The following RBFOX2 variants were observed in gnomAD, a reference collection of about 807,000 sequenced individuals.
RBFOX2 encodes RNA binding fox-1 homolog 2.
RBFOX2 carries 10 observed loss-of-function variants against 49.1 expected under a neutral mutation model. The ratio of observed to expected loss-of-function variants is 0.20; its 90% CI spans 0.13 to 0.35. The LOEUF (loss-of-function observed/expected upper bound fraction) is 0.35. Among genes scored for constraint, RBFOX2 ranks in the 10% least tolerant of loss-of-function variants. The pLI is 1.00. For missense variants in RBFOX2, 323 were observed against 486.9 expected (o/e 0.66, Z 3.17); for synonymous variants, 183 against 187.4 (o/e 0.98, Z 0.19).
Position 35,846,732 on chromosome 22 carries a change from G to A in RBFOX2, c.-33-36728C>T, listed in dbSNP as rs117090422. On this transcript the variant is annotated intron_variant, in intron 1 of 13. Transcript: ENST00000359369. ...ATAACACCACTGCACTCCAGCCTGG[G>A]TGACAAGAAAGAAACTCTGTTTCAA... is the stretch of plus-strand genomic sequence containing the variant. 2.9e-3 allele frequency among the ~76,000 whole-genome samples: 445 copies of A among 152,208 alleles called. 6 individuals carry two copies. The highest frequency in any genetic ancestry group is 0.014 in the East Asian group (72 of 5,182).
rs192198013 is a variant in RBFOX2, at chr22:35,809,340, C to A, written c.252+440G>T. Reference sequence around the variant, plus strand: ...GAGTAATAAGATGTAGAGAAGAAGACGAAGTAGTTTTAGAGTTATGGTTGT... The same window carrying A: ...GAGTAATAAGATGTAGAGAAGAAGAAGAAGTAGTTTTAGAGTTATGGTTGT... On this transcript the variant is annotated intron_variant, in intron 2 of 11. Transcript: ENST00000405409. Among the ~76,000 whole-genome samples, 232 of 151,822 alleles carry A rather than the reference C, an allele frequency of 1.5e-3. 1 individual carries two copies. The highest frequency in any genetic ancestry group is 2.4e-3 in the Non-Finnish European group (163 of 67,942).
chr22:36,010,348 C>T (rs139564089), intron 1 of RBFOX2, among the ~76,000 whole-genome samples: 1 of 152,178 alleles, frequency 6.6e-6, no homozygotes, highest in Non-Finnish European at 1.5e-5. Context: ...GGTGCCCTGC[C>T]GGCTTCCATT....
At position 35,972,824 on chromosome 22, in the gene RBFOX2, G is replaced by A. The variant is rs556829759; in HGVS notation, c.187-33927C>T. Among the ~76,000 whole-genome samples the A allele has an allele frequency of 7.2e-5, 11 of 152,224 alleles. No homozygotes were observed. In the South Asian group the frequency reaches 2.3e-3, roughly 32 times the overall value. On this transcript the variant is annotated intron_variant, in intron 1 of 13. Coordinates refer to the RBFOX2 transcript ENST00000438146. Reference sequence around the variant, plus strand: ...ATATTCCCTGTCCTCCTAGTGCTTAGAGACATCACAACCAAGACAGGCCAT... The same window carrying A: ...ATATTCCCTGTCCTCCTAGTGCTTAAAGACATCACAACCAAGACAGGCCAT...
intron 1 of RBFOX2, among the ~76,000 whole-genome samples, chr22:35,839,794 A>G (rs1224336445): frequency 6.6e-6 from 1 of 152,200 alleles, no homozygotes; most frequent in East Asian, 1.9e-4. Context: ...CTATAACACA[A>G]ATTCTTCTGA....
intron 1 of RBFOX2, among the ~76,000 whole-genome samples, chr22:35,949,519 C>G (rs532052618): frequency 6.6e-6 from 1 of 152,178 alleles, no homozygotes; most frequent in Non-Finnish European, 1.5e-5. Context: ...AAATTTCCAC[C>G]GGCAAAGCAC....
chr22:35,911,384 T>C (rs1284905651), intron 1 of RBFOX2, among the ~76,000 whole-genome samples: 1 of 152,224 alleles, frequency 6.6e-6, no homozygotes, highest in East Asian at 1.9e-4. Context: ...TCAGGAATAC[T>C]GCTACACAGT....
At chr22:35,777,004 T>A (rs570724997) in intron 4 of RBFOX2, among the ~76,000 whole-genome samples, 1 of 151,536 alleles carries the variant, frequency 6.6e-6, no homozygotes, top group African/African-American at 2.4e-5. Context: ...AAATAGTAAA[T>A]AGGGGAAATA....
intron 1 of RBFOX2, among the ~76,000 whole-genome samples, chr22:35,920,931 T>C (rs1247228038): frequency 6.6e-6 from 1 of 152,244 alleles, no homozygotes; most frequent in Non-Finnish European, 1.5e-5. Flanking sequence ...TAAAGTTAAA[T>C]ATATTAAGGC....
At chr22:35,780,265 C>T (rs1222091504) in intron 3 of RBFOX2, among the ~76,000 whole-genome samples, 1 of 151,880 alleles carries the variant, frequency 6.6e-6, no homozygotes, top group African/African-American at 2.4e-5. Context: ...AGTGTCTTGT[C>T]ACCGTGAAGT....
At chr22:35,840,455 A>G (rs1958538842) in exon 1 of RBFOX2, 3 of 1,413,900 alleles carry the variant, frequency 2.1e-6, no homozygotes, top group African/African-American at 1.4e-5. Context: ...TCTCAGGCAG[A>G]TGGCTGAAGG....
chr22:35,831,026 A>T (rs1397860516), intron 1 of RBFOX2, among the ~76,000 whole-genome samples: 2 of 152,192 alleles, frequency 1.3e-5, no homozygotes, highest in Non-Finnish European at 2.9e-5. Context: ...CGTATGCTAT[A>T]AAGGAAATTG....
intron 4 of RBFOX2, among the ~76,000 whole-genome samples, chr22:35,775,841 CA>C (rs753116056): frequency 7.7e-3 from 433 of 56,146 alleles, no homozygotes; most frequent in Middle Eastern, 0.016. Context: ...GAATCTGCCT[CA>C]AAAAAAAAAA....
exon 1 of RBFOX2, chr22:36,028,299 C>T (rs1307810536): frequency 6.5e-7 from 1 of 1,532,252 alleles, no homozygotes; most frequent in African/African-American, 1.4e-5. Context: ...TTGCTCAGGC[C>T]GGGATCGGCT....
intron 1 of RBFOX2, among the ~76,000 whole-genome samples, chr22:35,904,900 A>G (rs2048962983): frequency 6.6e-6 from 1 of 152,220 alleles, no homozygotes; most frequent in African/African-American, 2.4e-5. Flanking sequence ...CAAGTGCTCA[A>G]GAGCCACGTG....
intron 1 of RBFOX2, among the ~76,000 whole-genome samples, chr22:35,945,724 A>G (rs1002956901): frequency 6.6e-6 from 1 of 152,192 alleles, no homozygotes; most frequent in Non-Finnish European, 1.5e-5. Context: ...GGAATAAGCC[A>G]CTGTGCCTGG....
chr22:35,741,400 C>CTT (rs1407635841), exon 12 of RBFOX2: 1 of 152,250 alleles, frequency 6.6e-6, no homozygotes, highest in Non-Finnish European at 1.5e-5. Context: ...CTCTGACTCT[C>CTT]TTTTTTAATA....
At chr22:35,945,176 C>T (rs1022533302) in intron 1 of RBFOX2, among the ~76,000 whole-genome samples, 13 of 152,050 alleles carry the variant, frequency 8.5e-5, no homozygotes. Context: ...TTGACTTACT[C>T]CCCAGTCGAA....
chr22:35,832,583 A>G (rs1956995272), intron 1 of RBFOX2, among the ~76,000 whole-genome samples: 2 of 152,138 alleles, frequency 1.3e-5, no homozygotes, highest in African/African-American at 4.8e-5. Context: ...CTGTAATCCA[A>G]GCACTCTGGG....
chr22:35,897,711 C>A, intron 1 of RBFOX2: 2 of 905,888 alleles, frequency 2.2e-6, no homozygotes, highest in Non-Finnish European at 3.7e-6. Flanking sequence ...CCTTCCAGCC[C>A]AAGGAAACAA....
Sources: gnomAD v4.1 joint callset for allele counts (sites outside exome capture counted in the v4.1 genomes callset) on GRCh38, gnomAD v4.1.1 for gene constraint, MANE v1.5 for transcripts, NCBI Gene and HGNC (gene_info 2026-07-23, HGNC 2026-07-21) for gene names.